IGF2BP3: variants seen among roughly 807,000 people sequenced by gnomAD.
IGF2BP3 encodes the protein insulin-like growth factor 2 mRNA-binding protein 3.
A neutral mutation model predicts 73.8 loss-of-function variants in IGF2BP3; 9 were observed. The ratio of observed to expected loss-of-function variants is 0.12; its 90% CI spans 0.07 to 0.21. The LOEUF is 0.21. Among genes scored for constraint, IGF2BP3 ranks in the 10% least tolerant of loss-of-function variants. The probability of loss-of-function intolerance (pLI) is 1.00; values close to 1 mark genes in which losing one functional copy is unlikely to be tolerated. For missense variants in IGF2BP3, 542 were observed against 714.0 expected, an observed-to-expected ratio of 0.76 and a Z score of 2.75; for synonymous variants, 258 against 256.7, an observed-to-expected ratio of 1.01 and a Z score of -0.05.
intron 10 of IGF2BP3, among the ~76,000 whole-genome samples, chr7:23,340,049 A>G (rs1322431994): frequency 6.6e-6 from 1 of 152,170 alleles, no homozygotes; most frequent in African/African-American, 2.4e-5. Context: ...TTTATTATAC[A>G]GGTGAGAAAA....
intron 5 of IGF2BP3, among the ~76,000 whole-genome samples, chr7:23,355,213 C>T (rs1562695341): frequency 1.4e-5 from 2 of 145,834 alleles, no homozygotes; most frequent in African/African-American, 5.4e-5. Context: ...CTGGTTTTGT[C>T]TTTTTATTTT....
At chr7:23,395,862 G>C (rs937864034) in intron 3 of IGF2BP3, among the ~76,000 whole-genome samples, 1 of 151,772 alleles carries the variant, frequency 6.6e-6, no homozygotes, top group East Asian at 1.9e-4. Context: ...GGAGGCAGAG[G>C]TTGCAGTGAG....
At chr7:23,429,075 T>C (rs570953727) in intron 2 of IGF2BP3, among the ~76,000 whole-genome samples, 1 of 152,168 alleles carries the variant, frequency 6.6e-6, no homozygotes, top group Non-Finnish European at 1.5e-5. Flanking sequence ...CTTGATCCCT[T>C]TTAGTCAGAA....
intron 2 of IGF2BP3, among the ~76,000 whole-genome samples, chr7:23,426,961 T>C (rs986255417): frequency 6.6e-6 from 1 of 152,214 alleles, no homozygotes; most frequent in Non-Finnish European, 1.5e-5. Flanking sequence ...GCATACTAAG[T>C]ATAGTAAAGA....
chr7:23,353,172 G>C (rs961241896), intron 5 of IGF2BP3, among the ~76,000 whole-genome samples: 1 of 152,168 alleles, frequency 6.6e-6, no homozygotes, highest in African/African-American at 2.4e-5. Flanking sequence ...CCCCAGGTGG[G>C]AAAGAAAAAC....
intron 5 of IGF2BP3, among the ~76,000 whole-genome samples, chr7:23,357,942 C>G (rs1038055925): frequency 6.6e-6 from 1 of 152,222 alleles, no homozygotes; most frequent in Non-Finnish European, 1.5e-5. Flanking sequence ...GGCTCCTCAG[C>G]ATCAGTGACC....
At chr7:23,444,588 C>T (rs773242806) in intron 2 of IGF2BP3, among the ~76,000 whole-genome samples, 7 of 151,608 alleles carry the variant, frequency 4.6e-5, no homozygotes, top group Non-Finnish European at 8.8e-5. Flanking sequence ...CTAAAAAATA[C>T]GAAAATTAGC....
intron 2 of IGF2BP3, among the ~76,000 whole-genome samples, chr7:23,466,158 G>A (rs993944124): frequency 6.6e-6 from 1 of 152,010 alleles, no homozygotes; most frequent in Non-Finnish European, 1.5e-5. Context: ...AGCTGGGTGG[G>A]ATTACAGGCA....
At chr7:23,415,969 C>T (rs374982366) in intron 3 of IGF2BP3, among the ~76,000 whole-genome samples, 145 of 152,316 alleles carry the variant, frequency 9.5e-4, no homozygotes, top group Non-Finnish European at 1.8e-3. Context: ...CTTATTATAT[C>T]ATAGCTAAAA....
At chr7:23,382,237 G>A (rs1179892544) in intron 3 of IGF2BP3, among the ~76,000 whole-genome samples, 1 of 151,826 alleles carries the variant, frequency 6.6e-6, no homozygotes, top group Non-Finnish European at 1.5e-5. Flanking sequence ...CAGAGATGCT[G>A]TTTTAAAAAA....
In IGF2BP3 at chr7:23,438,736, T is replaced by C. The variant is rs1335659809; in HGVS notation, c.237-19912A>G. Among the ~76,000 whole-genome samples the C allele has an allele frequency of 2.0e-5, 3 of 152,208 alleles. No homozygotes were observed. In the East Asian group the frequency reaches 5.8e-4, roughly 29 times the overall value. ...TTTAGTTAAATAAATTTAGTTATAA[T>C]AACCCTAGTTGTGGTCCTTTAAAAC... On this transcript the variant is annotated intron_variant, in intron 2 of 14. Transcript: ENST00000258729.
chr7:23,423,784 A>C (rs1481084968), intron 2 of IGF2BP3, among the ~76,000 whole-genome samples: 1 of 152,132 alleles, frequency 6.6e-6, no homozygotes, highest in East Asian at 1.9e-4. Context: ...AAAAAAAAAC[A>C]AAAACCCCAA....
At chr7:23,384,762 G>A (rs559561335) in intron 3 of IGF2BP3, among the ~76,000 whole-genome samples, 4 of 152,226 alleles carry the variant, frequency 2.6e-5, no homozygotes, top group East Asian at 1.9e-4. Flanking sequence ...GTGGTGGTGC[G>A]TGCCTGTGGT....
rs145787850 is a variant in IGF2BP3, at chr7:23,464,436, T to C, written c.236+4046A>G. ...TCAATGGTGTTAAATACATTCATAG[T>C]GTTGGGCAACTATCACTGTTTTCTT... On this transcript the variant is annotated intron_variant, in intron 2 of 14. Transcript: ENST00000258729. 4.5e-3 allele frequency among the ~76,000 whole-genome samples: 682 copies of C among 152,348 alleles called. 1 individual carries two copies. The highest frequency in any genetic ancestry group is 7.3e-3 in the Non-Finnish European group (500 of 68,034).
chr7:23,370,036 A>G (rs1031532920), intron 3 of IGF2BP3, among the ~76,000 whole-genome samples: 1 of 152,210 alleles, frequency 6.6e-6, no homozygotes, highest in Non-Finnish European at 1.5e-5. Context: ...AATTGCCAGT[A>G]TAACTTGTCC....
intron 3 of IGF2BP3, among the ~76,000 whole-genome samples, chr7:23,389,882 C>T (rs1786216230): frequency 6.6e-6 from 1 of 151,492 alleles, no homozygotes; most frequent in Non-Finnish European, 1.5e-5. Context: ...CATCTGTAGT[C>T]CCAGCTACTT....
At chr7:23,399,534 A>G (rs1398038050) in intron 3 of IGF2BP3, among the ~76,000 whole-genome samples, 2 of 152,132 alleles carry the variant, frequency 1.3e-5, no homozygotes, top group African/African-American at 2.4e-5. Context: ...TTCTCATGAC[A>G]ACCTTGACTT....
chr7:23,460,721 A>C (rs764926419), intron 2 of IGF2BP3, among the ~76,000 whole-genome samples: 6 of 152,088 alleles, frequency 3.9e-5, no homozygotes, highest in African/African-American at 1.4e-4. Flanking sequence ...AGGCCGAGAC[A>C]GGTGGATCAC....
At position 23,469,868 on chromosome 7, in the gene IGF2BP3, C is replaced by G. The variant is rs954365409; in HGVS notation, c.175+68G>C. 1 of 1,178,232 alleles carries G rather than the reference C, an allele frequency of 8.5e-7. No individual in the cohort carries two copies. Among genetic ancestry groups the G allele is most frequent in the Non-Finnish European group, 1.1e-6 (1 of 921,244 alleles). The allele number at this position is 1,178,232 out of a possible 1,614,324, so 73.0% of individuals were successfully genotyped here. Reference sequence around the variant, plus strand: ...GCCGGGCCTGGGGCCCGCGGAGCCACCCGGTGGGCCTGGGCGGGCGGTGCA... The same window carrying G: ...GCCGGGCCTGGGGCCCGCGGAGCCAGCCGGTGGGCCTGGGCGGGCGGTGCA... On this transcript the variant is annotated intron_variant, in intron 1 of 14. Transcript: ENST00000258729. This position sits in a 1 kb window ranked among gnomAD's most constrained non-coding sequence, Gnocchi z 6.1.
Sources: gnomAD v4.1 joint callset for allele counts (sites outside exome capture counted in the v4.1 genomes callset) on GRCh38, gnomAD v4.1.1 for gene constraint, Gnocchi (gnomAD v3.1) non-coding constraint, MANE v1.5 for transcripts, NCBI Gene and HGNC (gene_info 2026-07-23, HGNC 2026-07-21) for gene names.